The following TMEM131L variants were observed in gnomAD, a reference collection of about 807,000 sequenced individuals.
TMEM131L encodes transmembrane 131 like.
A neutral mutation model predicts 192.2 loss-of-function variants in TMEM131L; 54 were observed. The observed-to-expected ratio is 0.28, with a 90% CI of 0.23 to 0.35. The LOEUF is 0.35. Among genes scored for constraint, TMEM131L ranks in the 10% least tolerant of loss-of-function variants. TMEM131L has a pLI of 1.00. For missense variants in TMEM131L, 1,888 were observed against 1,972.9 expected, an observed-to-expected ratio of 0.96 and a Z score of 0.82; for synonymous variants, 701 against 704.9, an observed-to-expected ratio of 0.99 and a Z score of 0.09.
intron 26 of TMEM131L, among the ~76,000 whole-genome samples, chr4:153,614,117 G>A (rs189188785): frequency 2.7e-4 from 41 of 152,250 alleles, no homozygotes; most frequent in Admixed American, 5.2e-4. Flanking sequence ...GATGGGCAGC[G>A]GGCAGCACTG....
chr4:153,574,906 G>T (rs1729834157), intron 7 of TMEM131L, among the ~76,000 whole-genome samples: 1 of 152,130 alleles, frequency 6.6e-6, no homozygotes, highest in Non-Finnish European at 1.5e-5. Context: ...CTTTTATAAT[G>T]ACTTCTAATA....
intron 3 of TMEM131L, among the ~76,000 whole-genome samples, chr4:153,478,598 A>G (rs564194233): frequency 6.6e-6 from 1 of 152,218 alleles, no homozygotes; most frequent in Admixed American, 6.5e-5. Context: ...TTTTTCCCTA[A>G]TGTTCTTTTT....
chr4:153,539,896 A>G (rs577251574), intron 3 of TMEM131L, among the ~76,000 whole-genome samples: 1 of 151,898 alleles, frequency 6.6e-6, no homozygotes, highest in Non-Finnish European at 1.5e-5. Flanking sequence ...GGATCCCCTG[A>G]GGTTGAGAGT....
chr4:153,529,706 G>T (rs977242805), intron 3 of TMEM131L, among the ~76,000 whole-genome samples: 3 of 152,196 alleles, frequency 2.0e-5, no homozygotes, highest in African/African-American at 7.2e-5. Context: ...ATACTCTCTG[G>T]TCTGAATCCT....
chr4:153,535,179 A>T (rs1036341507), intron 3 of TMEM131L, among the ~76,000 whole-genome samples: 1 of 152,068 alleles, frequency 6.6e-6, no homozygotes, highest in Non-Finnish European at 1.5e-5. Context: ...TTTCCGATGG[A>T]TGGGATGCGG....
chr4:153,635,293 T>C, intron 33 of TMEM131L, 139 bp from the exon 34 acceptor site: 3 of 719,978 alleles, frequency 4.2e-6, no homozygotes, highest in South Asian at 3.8e-5. Flanking sequence ...GCAACGACTC[T>C]CCTGGTCCAC....
intron 24 of TMEM131L, 35 bp downstream of exon 24, chr4:153,603,487 C>T (rs376051666): frequency 4.8e-5 from 75 of 1,576,122 alleles, no homozygotes; most frequent in Middle Eastern, 1.7e-4. Context: ...GGAGCGGGGG[C>T]GGTTTCTCAC....
chr4:153,496,687 A>C (rs575087648), intron 3 of TMEM131L, among the ~76,000 whole-genome samples: 1 of 151,958 alleles, frequency 6.6e-6, no homozygotes, highest in Non-Finnish European at 1.5e-5. Context: ...CCTCCTGAAT[A>C]ACAGGTGTGA....
intron 17 of TMEM131L, among the ~76,000 whole-genome samples, chr4:153,591,566 C>T (rs1056318618): frequency 1.3e-5 from 2 of 152,172 alleles, no homozygotes; most frequent in Non-Finnish European, 2.9e-5. Context: ...TGTCTACTGT[C>T]CATCCTTAGC....
intron 3 of TMEM131L, among the ~76,000 whole-genome samples, chr4:153,479,111 G>A (rs1461464807): frequency 6.6e-6 from 1 of 152,228 alleles, no homozygotes; most frequent in Non-Finnish European, 1.5e-5. Flanking sequence ...TGGCAAGACT[G>A]CCCAAGGTGG....
At chr4:153,493,905 C>T (rs968085237) in intron 3 of TMEM131L, among the ~76,000 whole-genome samples, 1 of 152,136 alleles carries the variant, frequency 6.6e-6, no homozygotes, top group African/African-American at 2.4e-5. Context: ...TTGAAAAGGT[C>T]ATTTTCTTAG....
rs190990536 is a variant in TMEM131L, at chr4:153,525,225, T to A, written c.240-24848T>A. On this transcript the variant is annotated intron_variant, in intron 3 of 34. Transcript: ENST00000409959. ...TATATTGGAAAGTTTTAGGATTTTT[T>A]AAAAGGATTTTTCCGTTTTTAAAAA... Among the ~76,000 whole-genome samples, 529 of 152,360 alleles carry A rather than the reference T, an allele frequency of 3.5e-3. 11 individuals carry two copies. The highest frequency in any genetic ancestry group is 1.1e-3 in the Non-Finnish European group (78 of 68,026).
In TMEM131L at chr4:153,510,637, G is replaced by C. The variant is rs141533563; in HGVS notation, c.239+36749G>C. Among the ~76,000 whole-genome samples the C allele has an allele frequency of 2.0e-5, 3 of 152,294 alleles. No homozygotes were observed. The East Asian group carries it at 5.8e-4, about 29-fold the overall frequency. ...TCATGCCTGTAATCCAAGCGCTTTGGAAGGCTGGGGCAGGCAGATCAGTTG... is the reference window on the plus strand; with the variant it reads ...TCATGCCTGTAATCCAAGCGCTTTGCAAGGCTGGGGCAGGCAGATCAGTTG... On this transcript the variant is annotated intron_variant, in intron 3 of 34. Coordinates refer to ENST00000409959, the MANE Select transcript of TMEM131L (RefSeq NM_001131007.2).
intron 3 of TMEM131L, among the ~76,000 whole-genome samples, chr4:153,504,293 TTTTTG>T: frequency 9.2e-6 from 1 of 108,124 alleles, no homozygotes; most frequent in African/African-American, 5.3e-5. Flanking sequence ...TTTTTTTTTT[TTTTTG>T]GAGACAGAGT....
intron 3 of TMEM131L, among the ~76,000 whole-genome samples, chr4:153,513,057 A>G (rs1021218333): frequency 6.6e-6 from 1 of 152,064 alleles, no homozygotes; most frequent in African/African-American, 2.4e-5. Context: ...TGCTGGTTTT[A>G]GTTATCAAGG....
intron 7 of TMEM131L, among the ~76,000 whole-genome samples, chr4:153,576,685 A>C (rs1017152106): frequency 3.3e-5 from 5 of 152,138 alleles, no homozygotes; most frequent in Non-Finnish European, 5.9e-5. Context: ...TAAAAAAAAA[A>C]AAAAAACTTA....
intron 3 of TMEM131L, among the ~76,000 whole-genome samples, chr4:153,499,952 A>T (rs1007889131): frequency 4.0e-5 from 6 of 149,198 alleles, no homozygotes; most frequent in African/African-American, 1.2e-4. Flanking sequence ...TTTTACCTAA[A>T]TTTTTTTTTT....
rs977797433 is a variant in TMEM131L, at chr4:153,550,498, TTG to T, written c.308+361_308+362del. 2.3e-3 allele frequency among the ~76,000 whole-genome samples: 345 copies of T among 152,274 alleles called. 5 individuals carry two copies. The highest frequency in any genetic ancestry group is 6.8e-4 in the Non-Finnish European group (46 of 68,014). ...CCCGCCACCACGCCCGGCTAATTTT[TTG>T]TGTTTTTAGTAGAGACGGGGTTTCA... is the stretch of plus-strand genomic sequence containing the variant. On this transcript the variant is annotated intron_variant, in intron 4 of 34. Transcript: ENST00000409959.
chr4:153,612,959 G>A (rs776471616), intron 26 of TMEM131L, among the ~76,000 whole-genome samples: 1 of 152,150 alleles, frequency 6.6e-6, no homozygotes, highest in Admixed American at 6.5e-5. Flanking sequence ...AATATAAAGA[G>A]TTGTGCATAG....
Sources: allele counts gnomAD v4.1 joint callset (sites outside exome capture counted in the v4.1 genomes callset), GRCh38; gene constraint gnomAD v4.1.1; transcripts MANE v1.5; gene names NCBI Gene and HGNC (gene_info 2026-07-23, HGNC 2026-07-21).